The following UNC5C variants were observed in gnomAD, a reference collection of about 807,000 sequenced individuals.
The protein encoded by UNC5C is netrin receptor UNC5C.
In UNC5C, 47 loss-of-function variants were observed where a neutral mutation model predicts 99.8. The observed-to-expected ratio is 0.47, with a 90% CI of 0.37 to 0.60. The LOEUF (loss-of-function observed/expected upper bound fraction) is 0.60, where lower values mean the gene tolerates loss of function less well. UNC5C is among the 20% of genes least tolerant of loss of function. UNC5C has a pLI of 0.00. For synonymous variants in UNC5C, 487 were observed against 452.2 expected (o/e 1.08, Z -0.98); for missense variants, 1,062 against 1,165.9 (o/e 0.91, Z 1.30).
chr4:95,419,841 C>G, intron 1 of UNC5C, among the ~76,000 whole-genome samples: 1 of 151,596 alleles, frequency 6.6e-6, no homozygotes, highest in Non-Finnish European at 1.5e-5. Flanking sequence ...TATTCAATAC[C>G]CCAAACAAAG....
intron 11 of UNC5C, among the ~76,000 whole-genome samples, chr4:95,205,888 G>A (rs1283196685): frequency 6.6e-6 from 1 of 152,076 alleles, no homozygotes; most frequent in African/African-American, 2.4e-5. Context: ...TGTTTTCCAA[G>A]GTTAAGTTCA....
intron 7 of UNC5C, among the ~76,000 whole-genome samples, chr4:95,238,043 AATAC>A (rs560683783): frequency 5.9e-5 from 6 of 102,500 alleles, no homozygotes; most frequent in Admixed American, 1.9e-4. Context: ...TCTCTAAATA[AATAC>A]ATACATACAT....
At chr4:95,459,012 A>G (rs1035146052) in intron 1 of UNC5C, among the ~76,000 whole-genome samples, 1 of 152,126 alleles carries the variant, frequency 6.6e-6, no homozygotes, top group African/African-American at 2.4e-5. Context: ...TGAACTAGGT[A>G]TATGTGGATA....
chr4:95,171,284 C>A (rs1315393521), intron 14 of UNC5C, among the ~76,000 whole-genome samples: 1 of 151,098 alleles, frequency 6.6e-6, no homozygotes, highest in Non-Finnish European at 1.5e-5. Flanking sequence ...GCACAATGTG[C>A]AGGTTAGTTA....
At chr4:95,178,075 G>T (rs1344968834) in intron 14 of UNC5C, among the ~76,000 whole-genome samples, 1 of 152,176 alleles carries the variant, frequency 6.6e-6, no homozygotes, top group Admixed American at 6.5e-5. Context: ...CATGTGAAGT[G>T]CAGAATGCAG....
intron 1 of UNC5C, among the ~76,000 whole-genome samples, chr4:95,374,852 A>C: frequency 6.6e-6 from 1 of 152,310 alleles, no homozygotes; most frequent in Admixed American, 6.5e-5. Context: ...CATATAAAGT[A>C]AATACAAAGT....
chr4:95,353,457 T>C (rs1281149816), intron 1 of UNC5C, among the ~76,000 whole-genome samples: 1 of 151,886 alleles, frequency 6.6e-6, no homozygotes, highest in Non-Finnish European at 1.5e-5. Flanking sequence ...ATATGCAAAA[T>C]TAAAGAACCT....
chr4:95,431,266 G>A (rs144825316), intron 1 of UNC5C, among the ~76,000 whole-genome samples: 1 of 152,148 alleles, frequency 6.6e-6, no homozygotes, highest in East Asian at 1.9e-4. Context: ...ATGGTAGAAA[G>A]CAGAGTTCAA....
At chr4:95,423,488 CA>C (rs1746377814) in intron 1 of UNC5C, among the ~76,000 whole-genome samples, 1 of 152,148 alleles carries the variant, frequency 6.6e-6, no homozygotes, top group Non-Finnish European at 1.5e-5. Flanking sequence ...ATCCATGGAT[CA>C]CTACAAGATC....
chr4:95,292,230 CACACACATAT>C (rs1741492501), intron 3 of UNC5C, among the ~76,000 whole-genome samples: 3 of 87,968 alleles, frequency 3.4e-5, no homozygotes, highest in Non-Finnish European at 6.5e-5. Context: ...CACACACACA[CACACACATAT>C]ATATATATAT....
At position 95,237,994 on chromosome 4, in the gene UNC5C, T is replaced by A. The variant is rs142053752; in HGVS notation, c.1108+4435A>T. ...AAGTCAGAGGTTGCAGTGAGCCGAG[T>A]GCAACTGCACTCCAGCCTGGCGACA... On this transcript the variant is annotated intron_variant, in intron 7 of 15. Coordinates refer to ENST00000453304, the MANE Select transcript of UNC5C (RefSeq NM_003728.4). Among the ~76,000 whole-genome samples, 4 of 151,998 alleles carry A rather than the reference T, an allele frequency of 2.6e-5. No homozygotes were observed. The South Asian group carries it at 6.2e-4, about 24-fold the overall frequency.
chr4:95,308,751 C>CAAAAAAAAA (rs59626139), intron 2 of UNC5C, among the ~76,000 whole-genome samples: 6 of 34,396 alleles, frequency 1.7e-4, no homozygotes, highest in Admixed American at 5.6e-4. Context: ...GACTCTGTCT[C>CAAAAAAAAA]AAAAAAAAAA....
chr4:95,342,752 C>T (rs1388359417), intron 1 of UNC5C, among the ~76,000 whole-genome samples: 1 of 151,998 alleles, frequency 6.6e-6, no homozygotes, highest in African/African-American at 2.4e-5. Context: ...GGCCTTGGCT[C>T]TTGGATGGCA....
rs976600681 is a variant in UNC5C at position 95,168,640 on chromosome 4, T to TA, written c.*593dup. ...ACACTTAGATTCTCCACTTCCCTGA[T>TA]ACAAACAGTAACACTGGTTCTACAA... On this transcript the variant is annotated 3_prime_UTR_variant, in exon 16 of 16. Coordinates refer to ENST00000453304, the MANE Select transcript of UNC5C (RefSeq NM_003728.4). 2.0e-5 allele frequency: 3 copies of TA among 152,664 alleles called. No homozygotes were observed. Among genetic ancestry groups the TA allele is most frequent in the African/African-American group, 7.2e-5 (3 of 41,434 alleles). 9.5% of individuals were successfully genotyped at this position (152,664 alleles called of 1,614,324 possible).
At chr4:95,525,141 T>G (rs1578209125) in intron 1 of UNC5C, among the ~76,000 whole-genome samples, 2 of 152,300 alleles carry the variant, frequency 1.3e-5, no homozygotes, top group South Asian at 2.1e-4. Flanking sequence ...AAAGGAAGTT[T>G]AACATACATA....
chr4:95,385,423 C>T (rs1233755368), intron 1 of UNC5C, among the ~76,000 whole-genome samples: 1 of 152,094 alleles, frequency 6.6e-6, no homozygotes, highest in Non-Finnish European at 1.5e-5. Flanking sequence ...CAACTAAAGC[C>T]AAATGATTTT....
chr4:95,269,497 A>C (rs62319072), intron 4 of UNC5C, among the ~76,000 whole-genome samples: 9,908 of 151,962 alleles, frequency 0.065, 464 homozygotes, highest in Non-Finnish European at 0.093. Flanking sequence ...TACATTGCCC[A>C]GGCTGGTCTT....
At chr4:95,531,442 A>C (rs1183009909) in intron 1 of UNC5C, among the ~76,000 whole-genome samples, 1 of 152,242 alleles carries the variant, frequency 6.6e-6, no homozygotes, top group African/African-American at 2.4e-5. Flanking sequence ...GTCTGTGTTT[A>C]CTGAAGTCTT....
intron 1 of UNC5C, among the ~76,000 whole-genome samples, chr4:95,379,696 T>G (rs943655687): frequency 6.6e-6 from 1 of 152,134 alleles, no homozygotes; most frequent in Non-Finnish European, 1.5e-5. Flanking sequence ...TCATTCCTTG[T>G]GGAATTTTGG....
Sources: allele counts gnomAD v4.1 joint callset (sites outside exome capture counted in the v4.1 genomes callset), GRCh38; gene constraint gnomAD v4.1.1; transcripts MANE v1.5; gene names NCBI Gene and HGNC (gene_info 2026-07-23, HGNC 2026-07-21).